The following DPH6 variants were observed in gnomAD, a reference collection of about 807,000 sequenced individuals.
DPH6 encodes the protein diphthine--ammonia ligase.
A neutral mutation model predicts 38.2 loss-of-function variants in DPH6; 33 were observed. The ratio of observed to expected loss-of-function variants is 0.86; its 90% CI spans 0.65 to 1.15. The LOEUF is 1.15. Among genes scored for constraint, DPH6 ranks in the 50% most tolerant of loss-of-function variants. The probability of loss-of-function intolerance (pLI) is 0.00; values close to 1 mark genes in which losing one functional copy is unlikely to be tolerated. For missense variants in DPH6, 325 were observed against 320.0 expected, an observed-to-expected ratio of 1.02 and a Z score of -0.12; for synonymous variants, 108 against 103.0, an observed-to-expected ratio of 1.05 and a Z score of -0.30.
chr15:35,268,172 AAAATAAAT>A (rs200566883), intron 3 of DPH6, among the ~76,000 whole-genome samples: 10,560 of 140,436 alleles, frequency 0.075, 797 homozygotes, highest in East Asian at 0.32. Flanking sequence ...TCTGTCTCAA[AAAATAAAT>A]AAATAAATAA....
chr15:35,256,001 A>AAT (rs1247166495), intron 3 of DPH6, among the ~76,000 whole-genome samples: 3 of 152,008 alleles, frequency 2.0e-5, no homozygotes, highest in Admixed American at 1.3e-4. Flanking sequence ...TATTTGTTTG[A>AAT]ATATATATAC....
At chr15:35,535,634 AAT>A (rs2055157503) in intron 3 of DPH6, among the ~76,000 whole-genome samples, 1 of 82,728 alleles carries the variant, frequency 1.2e-5, no homozygotes, top group South Asian at 6.8e-4. Flanking sequence ...TTCAGGAAAT[AAT>A]ACAGTTATCC....
At chr15:35,264,531 A>C (rs1175450436) in intron 3 of DPH6, among the ~76,000 whole-genome samples, 1 of 35,338 alleles carries the variant, frequency 2.8e-5, no homozygotes, top group African/African-American at 4.7e-5. Flanking sequence ...TTTGAAAAAC[A>C]AAAGGCTTAC....
chr15:35,465,381 C>A (rs1360763793), intron 3 of DPH6, among the ~76,000 whole-genome samples: 1 of 152,150 alleles, frequency 6.6e-6, no homozygotes, highest in African/African-American at 2.4e-5. Flanking sequence ...TCTGGTAACA[C>A]AACATTATTA....
At chr15:35,380,393 T>C (rs1461827447) in intron 7 of DPH6, among the ~76,000 whole-genome samples, 2 of 152,208 alleles carry the variant, frequency 1.3e-5, no homozygotes, top group African/African-American at 2.4e-5. Context: ...TAAAATACTG[T>C]GATAAACATA....
intron 3 of DPH6, among the ~76,000 whole-genome samples, chr15:35,361,516 T>C (rs938753041): frequency 6.6e-6 from 1 of 152,106 alleles, no homozygotes; most frequent in African/African-American, 2.4e-5. Flanking sequence ...ACCTCTCTTT[T>C]TTTTTTTCCC....
At chr15:35,406,519 A>T (rs2140987147) in intron 6 of DPH6, among the ~76,000 whole-genome samples, 1 of 152,174 alleles carries the variant, frequency 6.6e-6, no homozygotes, top group South Asian at 2.1e-4. Context: ...TACTTGTGCT[A>T]GATGACTGCT....
Position 35,389,178 on chromosome 15 carries a change from T to C in DPH6, c.568-7262A>G, listed in dbSNP as rs374119846. 5.3e-4 allele frequency among the ~76,000 whole-genome samples: 81 copies of C among 152,372 alleles called. No individual in the cohort carries two copies. In the East Asian group the frequency reaches 0.012, roughly 23 times the overall value. On this transcript the variant is annotated intron_variant, in intron 6 of 8. Transcript: ENST00000256538. ...GAGTGAGTTTCTCAATCCTGAGTTC[T>C]AGTTTGATTGCACTGTGGTCTGAGA...
At chr15:35,401,172 C>T (rs2140977317) in intron 6 of DPH6, 3 of 1,142,104 alleles carry the variant, frequency 2.6e-6, no homozygotes, top group Admixed American at 3.4e-5. Context: ...ATGGCCACAA[C>T]TGTGAAGTTA....
intron 3 of DPH6, chr15:35,298,761 G>C: frequency 7.0e-7 from 1 of 1,431,956 alleles, no homozygotes; most frequent in Non-Finnish European, 9.8e-7. Context: ...AAGTTAGCGA[G>C]GAAGGAGTTG....
chr15:35,354,985 C>G lies in DPH6; in HGVS notation n.207+18536G>C, dbSNP rs112825526. On this transcript the variant is annotated intron_variant and non_coding_transcript_variant, in intron 3 of 3. Transcript: ENST00000558973. ...TGGGTGCTCCTGTATTGGGTGCATA[C>G]ATATTTAGGATAGTTAGTTCTTCTT... Among the ~76,000 whole-genome samples the G allele has an allele frequency of 2.6e-5, 4 of 152,098 alleles. No homozygotes were observed. The East Asian group carries it at 7.7e-4, about 29-fold the overall frequency.
chr15:35,247,192 T>C (rs1566849438), intron 3 of DPH6, among the ~76,000 whole-genome samples: 2 of 152,216 alleles, frequency 1.3e-5, no homozygotes, highest in African/African-American at 4.8e-5. Flanking sequence ...GTCTGACTTT[T>C]ATAGCATCTT....
At position 35,337,916 on chromosome 15, in the gene DPH6, A is replaced by G. The variant is rs1393305368; in HGVS notation, n.208-6839T>C. On this transcript the variant is annotated intron_variant and non_coding_transcript_variant, in intron 3 of 3. Coordinates refer to the DPH6 transcript ENST00000558973. ...ATCTGATCTTTGACAAACCTGAGAA[A>G]AACAAGCAATGGGGAAAGGATTCCC... is the stretch of plus-strand genomic sequence containing the variant. 2.6e-5 allele frequency among the ~76,000 whole-genome samples: 4 copies of G among 152,040 alleles called. No homozygotes were observed. The East Asian group carries it at 7.7e-4, about 29-fold the overall frequency.
intron 3 of DPH6, among the ~76,000 whole-genome samples, chr15:35,307,233 C>T (rs1275614007): frequency 6.6e-6 from 1 of 152,008 alleles, no homozygotes; most frequent in Non-Finnish European, 1.5e-5. Context: ...TAGTGTGCCT[C>T]CTGATGTGAC....
intron 3 of DPH6, among the ~76,000 whole-genome samples, chr15:35,281,163 CA>C (rs1334634394): frequency 6.6e-6 from 1 of 151,856 alleles, no homozygotes; most frequent in African/African-American, 2.4e-5. Flanking sequence ...CCTTTACTAC[CA>C]CTTCACACAC....
intron 6 of DPH6, among the ~76,000 whole-genome samples, chr15:35,408,592 C>T (rs866734796): frequency 2.8e-4 from 43 of 151,720 alleles, no homozygotes; most frequent in African/African-American, 9.7e-4. Context: ...AGTTTCTAGA[C>T]GGAAAATGGA....
intron 3 of DPH6, among the ~76,000 whole-genome samples, chr15:35,222,537 A>AG (rs954885862): frequency 3.5e-4 from 53 of 151,848 alleles, no homozygotes; most frequent in African/African-American, 1.1e-3. Context: ...GACAACTTGA[A>AG]GGGGGGGGTT....
intron 7 of DPH6, among the ~76,000 whole-genome samples, chr15:35,374,377 T>C (rs2052752992): frequency 1.3e-5 from 2 of 152,148 alleles, no homozygotes; most frequent in South Asian, 2.1e-4. Flanking sequence ...ATTGTTTATA[T>C]TAATAGTTAG....
At chr15:35,426,839 G>C (rs2053575607) in intron 5 of DPH6, among the ~76,000 whole-genome samples, 1 of 150,488 alleles carries the variant, frequency 6.6e-6, no homozygotes, top group Non-Finnish European at 1.5e-5. Context: ...TTATCTGAAA[G>C]GTCAAAAGAG....
Sources: allele counts gnomAD v4.1 joint callset (sites outside exome capture counted in the v4.1 genomes callset), GRCh38; gene constraint gnomAD v4.1.1; transcripts MANE v1.5; gene names NCBI Gene and HGNC (gene_info 2026-07-23, HGNC 2026-07-21).